The following CEP85L variants were observed in gnomAD, a reference collection of about 807,000 sequenced individuals.
CEP85L encodes the protein centrosomal protein 85L.
Under a neutral mutation model 100.3 loss-of-function variants are expected in CEP85L, and 60 were observed. The ratio of observed to expected loss-of-function variants is 0.60; its 90% CI spans 0.49 to 0.74. The LOEUF (loss-of-function observed/expected upper bound fraction) is 0.74. Ranked by LOEUF, CEP85L falls within the 30% of genes least tolerant of loss-of-function variation. CEP85L has a pLI of 0.00. For synonymous variants in CEP85L, 319 were observed against 322.7 expected, an observed-to-expected ratio of 0.99 and a Z score of 0.12; for missense variants, 973 against 936.2, an observed-to-expected ratio of 1.04 and a Z score of -0.51.
At chr6:118,646,160 T>C (rs1411762392) in intron 1 of CEP85L, among the ~76,000 whole-genome samples, 2 of 152,062 alleles carry the variant, frequency 1.3e-5, no homozygotes, top group Non-Finnish European at 2.9e-5. Flanking sequence ...GAGGTTGCAG[T>C]GAGCCGAGAT....
chr6:118,620,767 C>T (rs114094784), intron 2 of CEP85L, among the ~76,000 whole-genome samples: 409 of 152,320 alleles, frequency 2.7e-3, no homozygotes, highest in African/African-American at 9.5e-3. Flanking sequence ...CAGTTATCCT[C>T]AAGATCCATT....
chr6:118,619,259 T>C (rs914428060), intron 2 of CEP85L, among the ~76,000 whole-genome samples: 1 of 152,132 alleles, frequency 6.6e-6, no homozygotes, highest in African/African-American at 2.4e-5. Context: ...AAGCGACTGA[T>C]TGTCTTCTGT....
intron 2 of CEP85L, among the ~76,000 whole-genome samples, chr6:118,571,918 A>T (rs939634685): frequency 1.3e-5 from 2 of 152,140 alleles, no homozygotes; most frequent in African/African-American, 4.8e-5. Context: ...GTGCAAGGGA[A>T]CAATCTCAGC....
rs1205232203 is a variant in CEP85L at position 118,481,866 on chromosome 6, T to C, written c.1658A>G (p.Glu553Gly). ...ATCTTGACACTGCTTTTTGATCTCT[T>C]CAAGTTTTTTTTCTGTATCTATCAA... ...EALIDTEKKL[E>G]EIKKQCQDKE... Residue 553 changes from glutamate to glycine, a missense_variant, in exon 8 of 13, where the codon GAA (glutamate) becomes GGA (glycine). Physicochemically the swap from Glu to Gly is moderately conservative, Grantham distance 98 (BLOSUM62 -2). Transcript: ENST00000368491. 19 of 1,593,626 alleles carry C rather than the reference T, an allele frequency of 1.2e-5. No homozygotes were observed. The South Asian group carries it at 1.8e-4, about 15-fold the overall frequency.
chr6:118,558,731 G>A (rs1356124499), intron 3 of CEP85L: 2 of 621,522 alleles, frequency 3.2e-6, no homozygotes, highest in East Asian at 2.8e-5. Flanking sequence ...TAACAATAGT[G>A]CTGAGGAAGA....
intron 6 of CEP85L, among the ~76,000 whole-genome samples, chr6:118,484,598 GGAACAATGTTATT>G (rs1774037621): frequency 6.6e-6 from 1 of 152,162 alleles, no homozygotes; most frequent in Admixed American, 6.5e-5. Context: ...AATTTAGTAT[GGAACAATGTTATT>G]GGGTGCCCAG....
intron 1 of CEP85L, among the ~76,000 whole-genome samples, chr6:118,669,596 T>G (rs1776234247): frequency 6.6e-6 from 1 of 151,948 alleles, no homozygotes. Context: ...AAATTTGCCC[T>G]CCCTCCACAC....
chr6:118,470,421 TTAAC>T (rs1234770750), intron 11 of CEP85L, 112 bp downstream of exon 11: 1 of 495,546 alleles, frequency 2.0e-6, no homozygotes, highest in African/African-American at 2.0e-5. Context: ...ATGGAATTAA[TTAAC>T]AGGCATATCA....
intron 12 of CEP85L, among the ~76,000 whole-genome samples, chr6:118,466,359 T>C (rs1035994936): frequency 1.3e-5 from 2 of 152,134 alleles, no homozygotes; most frequent in Admixed American, 6.6e-5. Flanking sequence ...TGCCATGATA[T>C]AGGAACTATG....
intron 2 of CEP85L, among the ~76,000 whole-genome samples, chr6:118,578,435 G>A (rs1162680359): frequency 6.6e-6 from 1 of 152,174 alleles, no homozygotes; most frequent in Non-Finnish European, 1.5e-5. Context: ...ACTGTGTTAG[G>A]AATAAAAACC....
At chr6:118,561,382 T>G (rs1779213378) in intron 3 of CEP85L, among the ~76,000 whole-genome samples, 1 of 152,170 alleles carries the variant, frequency 6.6e-6, no homozygotes. Context: ...AATTTTTTTG[T>G]TCTTCATTCT....
At chr6:118,690,948 T>TA (rs1777019918) in intron 1 of CEP85L, among the ~76,000 whole-genome samples, 1 of 150,968 alleles carries the variant, frequency 6.6e-6, no homozygotes, top group South Asian at 2.1e-4. Flanking sequence ...GAGTGATTGT[T>TA]ATCACACCAC....
intron 3 of CEP85L, chr6:118,537,681 T>G: frequency 2.0e-6 from 2 of 985,408 alleles, no homozygotes; most frequent in Non-Finnish European, 2.4e-6. Flanking sequence ...AATAAAAGTT[T>G]ACTGTAGTGC....
At chr6:118,677,328 G>A (rs1381532081) in intron 1 of CEP85L, among the ~76,000 whole-genome samples, 1 of 152,152 alleles carries the variant, frequency 6.6e-6, no homozygotes, top group Non-Finnish European at 1.5e-5. Flanking sequence ...CTAAAATTTT[G>A]AGGGTGACGT....
intron 2 of CEP85L, among the ~76,000 whole-genome samples, chr6:118,611,086 GA>G (rs1461676549): frequency 6.6e-6 from 1 of 152,076 alleles, no homozygotes; most frequent in Non-Finnish European, 1.5e-5. Flanking sequence ...TACAAAGGAA[GA>G]AAAAACACAA....
At chr6:118,542,924 C>A (rs981464471) in intron 3 of CEP85L, among the ~76,000 whole-genome samples, 774 of 53,316 alleles carry the variant, frequency 0.015, no homozygotes, top group Non-Finnish European at 0.022. Flanking sequence ...AAAAAAAAAA[C>A]AGGATATTCA....
intron 2 of CEP85L, among the ~76,000 whole-genome samples, chr6:118,594,588 G>A (rs1472311576): frequency 6.6e-6 from 1 of 151,882 alleles, no homozygotes; most frequent in Non-Finnish European, 1.5e-5. Context: ...TTAAGAACTC[G>A]CCGGGCACGG....
chr6:118,671,447 C>T (rs994283724), intron 1 of CEP85L, among the ~76,000 whole-genome samples: 4 of 152,020 alleles, frequency 2.6e-5, no homozygotes, highest in African/African-American at 4.8e-5. Flanking sequence ...ACATAAAGCA[C>T]TACTGTTAAT....
At chr6:118,491,530 C>T in intron 6 of CEP85L, 156 bp downstream of exon 6, 3 of 1,405,272 alleles carry the variant, frequency 2.1e-6, no homozygotes, top group Non-Finnish European at 2.8e-6. Context: ...TTTCTGCAGA[C>T]AGCAGAGGGC....
Sources: gnomAD v4.1 joint callset for allele counts (sites outside exome capture counted in the v4.1 genomes callset) on GRCh38, gnomAD v4.1.1 for gene constraint, MANE v1.5 for transcripts, NCBI Gene and HGNC (gene_info 2026-07-23, HGNC 2026-07-21) for gene names.